The following KIFAP3 variants were observed in gnomAD, a reference collection of about 807,000 sequenced individuals.
The protein encoded by KIFAP3 is kinesin-associated protein 3.
Under a neutral mutation model 106.5 loss-of-function variants are expected in KIFAP3, and 68 were observed. That is an observed-to-expected ratio of 0.64 (90% CI 0.53 to 0.78). The LOEUF (loss-of-function observed/expected upper bound fraction) is 0.78. Among genes scored for constraint, KIFAP3 ranks in the 30% least tolerant of loss-of-function variants. The pLI is 0.00. For synonymous variants in KIFAP3, 320 were observed against 311.5 expected (o/e 1.03, Z -0.29); for missense variants, 780 against 941.8 (o/e 0.83, Z 2.25).
intron 8 of KIFAP3, among the ~76,000 whole-genome samples, chr1:170,029,048 C>T (rs569646457): frequency 3.0e-4 from 46 of 152,002 alleles, no homozygotes; most frequent in African/African-American, 1.1e-3. Context: ...AAAGGATAGA[C>T]AAATATATCC....
At chr1:169,999,262 G>T (rs1667539944) in intron 10 of KIFAP3, among the ~76,000 whole-genome samples, 1 of 152,158 alleles carries the variant, frequency 6.6e-6, no homozygotes, top group South Asian at 2.1e-4. Context: ...AATGAGGATT[G>T]GAGGGTATGA....
intron 1 of KIFAP3, among the ~76,000 whole-genome samples, chr1:170,061,907 G>C (rs1036218730): frequency 2.6e-5 from 4 of 152,040 alleles, no homozygotes; most frequent in African/African-American, 9.7e-5. Context: ...GCAAACTGTC[G>C]CAAGGACAGA....
intron 15 of KIFAP3, 114 bp downstream of exon 15, chr1:169,981,858 T>C: frequency 4.9e-6 from 4 of 815,722 alleles, no homozygotes; most frequent in Admixed American, 5.9e-5. Flanking sequence ...TAAGTTGCTA[T>C]GAAACAATTA....
chr1:169,944,457 G>A (rs1664315551), intron 19 of KIFAP3, among the ~76,000 whole-genome samples: 1 of 152,170 alleles, frequency 6.6e-6, no homozygotes, highest in Non-Finnish European at 1.5e-5. Flanking sequence ...GAGCAACTAC[G>A]TCTGGGCTCT....
At chr1:170,055,271 C>G (rs770747855) in intron 2 of KIFAP3, 34 bp downstream of exon 2, 1 of 1,571,494 alleles carries the variant, frequency 6.4e-7, no homozygotes, top group South Asian at 1.2e-5. Flanking sequence ...ATAATGTTCA[C>G]TACTTTCAAA....
intron 10 of KIFAP3, among the ~76,000 whole-genome samples, chr1:169,997,744 C>T (rs1443001936): frequency 6.6e-6 from 1 of 151,734 alleles, no homozygotes; most frequent in Non-Finnish European, 1.5e-5. Flanking sequence ...ATGGCAGGTG[C>T]CTATAATCCC....
At chr1:169,935,364 A>C (rs1333195054) in intron 19 of KIFAP3, among the ~76,000 whole-genome samples, 2 of 151,998 alleles carry the variant, frequency 1.3e-5, no homozygotes, top group Admixed American at 6.6e-5. Context: ...GATACTGTCT[A>C]CACAAATCTG....
intron 10 of KIFAP3, among the ~76,000 whole-genome samples, chr1:170,014,795 C>G (rs1478066435): frequency 6.6e-6 from 1 of 152,222 alleles, no homozygotes; most frequent in East Asian, 1.9e-4. Flanking sequence ...ATGTCTACTT[C>G]ATAACGATGA....
intron 5 of KIFAP3, among the ~76,000 whole-genome samples, chr1:170,036,524 T>C (rs977920683): frequency 3.3e-5 from 5 of 152,152 alleles, no homozygotes; most frequent in African/African-American, 9.6e-5. Flanking sequence ...GAATAGTACA[T>C]GCTTTGAAAA....
intron 18 of KIFAP3, among the ~76,000 whole-genome samples, chr1:169,954,412 G>C (rs1208071444): frequency 6.6e-6 from 1 of 152,034 alleles, no homozygotes; most frequent in Non-Finnish European, 1.5e-5. Context: ...GGAGAAGAAA[G>C]AAAAAGATAA....
rs552945013 is a variant in KIFAP3 at position 169,989,401 on chromosome 1, TTA to T, written c.1284+2752_1284+2753del. Among the ~76,000 whole-genome samples the T allele has an allele frequency of 4.8e-3, 732 of 152,182 alleles. 2 individuals are homozygous for T. The highest frequency in any genetic ancestry group is 0.02 in the Middle Eastern group (6 of 294). ...AAGACAGTCAATCTCGGTAAGAATA[TTA>T]TGTTTTTGGCTGCTTTCCAGTTCAT... is the stretch of plus-strand genomic sequence containing the variant. On this transcript the variant is annotated intron_variant, in intron 11 of 19. Transcript: ENST00000361580.
intron 19 of KIFAP3, among the ~76,000 whole-genome samples, chr1:169,932,974 G>A (rs918822419): frequency 3.1e-4 from 47 of 151,804 alleles, no homozygotes; most frequent in Middle Eastern, 3.4e-3. Context: ...GATAAAAATC[G>A]AGCAATGACT....
At chr1:170,080,565 G>A (rs12145562) in intron 1 of KIFAP3, among the ~76,000 whole-genome samples, 9,636 of 151,988 alleles carry the variant, frequency 0.063, 391 homozygotes, top group Non-Finnish European at 0.095. Flanking sequence ...ATAGATTAAT[G>A]GAAGAGAATA....
chr1:169,982,423 A>G (rs777987056), intron 14 of KIFAP3, among the ~76,000 whole-genome samples: 2 of 152,094 alleles, frequency 1.3e-5, no homozygotes, highest in Non-Finnish European at 2.9e-5. Flanking sequence ...GAGGGATGGT[A>G]TTTGGTAATT....
chr1:170,045,994 C>A (rs1336948181), intron 3 of KIFAP3, among the ~76,000 whole-genome samples: 2 of 152,006 alleles, frequency 1.3e-5, no homozygotes, highest in Non-Finnish European at 2.9e-5. Context: ...AGTCAGAAGA[C>A]CCTCATAGAG....
At chr1:170,073,514 A>T (rs1359786236) in intron 1 of KIFAP3, among the ~76,000 whole-genome samples, 1 of 152,168 alleles carries the variant, frequency 6.6e-6, no homozygotes, top group Non-Finnish European at 1.5e-5. Context: ...CCTTACATTC[A>T]TGTTTCATTT....
At chr1:169,926,536 A>G (rs530714222) in intron 19 of KIFAP3, among the ~76,000 whole-genome samples, 1 of 152,262 alleles carries the variant, frequency 6.6e-6, no homozygotes, top group African/African-American at 2.4e-5. Context: ...ACATTATCAC[A>G]AAGTTGCCTA....
chr1:170,051,955 A>G (rs1053437991), intron 2 of KIFAP3, among the ~76,000 whole-genome samples: 4 of 152,162 alleles, frequency 2.6e-5, no homozygotes, highest in Non-Finnish European at 4.4e-5. Context: ...AAGAGCAAAC[A>G]AAGTCAAGAG....
At chr1:169,989,366 A>C (rs1280920920) in intron 11 of KIFAP3, among the ~76,000 whole-genome samples, 1 of 152,020 alleles carries the variant, frequency 6.6e-6, no homozygotes, top group Non-Finnish European at 1.5e-5. Flanking sequence ...TTAAAATCTA[A>C]ATCTGGATAA....
Sources: allele counts gnomAD v4.1 joint callset (sites outside exome capture counted in the v4.1 genomes callset), GRCh38; gene constraint gnomAD v4.1.1; transcripts MANE v1.5; gene names NCBI Gene and HGNC (gene_info 2026-07-23, HGNC 2026-07-21).